The following NLGN1 variants were observed in gnomAD, a reference collection of about 807,000 sequenced individuals.
NLGN1 encodes neuroligin-1.
Under a neutral mutation model 65.5 loss-of-function variants are expected in NLGN1, and 12 were observed. The ratio of observed to expected loss-of-function variants is 0.18; its 90% confidence interval spans 0.12 to 0.30. The LOEUF (loss-of-function observed/expected upper bound fraction) is 0.30, where lower values mean the gene tolerates loss of function less well. NLGN1 is among the 10% of genes least tolerant of loss of function. NLGN1 has a pLI of 1.00. For synonymous variants in NLGN1, 350 were observed against 359.5 expected (o/e 0.97, Z 0.30); for missense variants, 750 against 1,007.1 (o/e 0.74, Z 3.46).
intron 4 of NLGN1, among the ~76,000 whole-genome samples, chr3:174,144,635 G>A (rs1384779026): frequency 6.6e-6 from 1 of 152,124 alleles, no homozygotes; most frequent in Admixed American, 6.5e-5. Flanking sequence ...GTATCTCATT[G>A]TGGTTTTGAT....
chr3:174,128,707 C>T (rs938560266), intron 4 of NLGN1, among the ~76,000 whole-genome samples: 10 of 152,204 alleles, frequency 6.6e-5, no homozygotes, highest in Middle Eastern at 3.4e-3. Context: ...TTGTCCATTT[C>T]GGGACAAGCT....
intron 3 of NLGN1, among the ~76,000 whole-genome samples, chr3:173,684,491 C>G (rs77732080): frequency 2.0e-5 from 3 of 152,280 alleles, no homozygotes; most frequent in East Asian, 1.9e-4. Context: ...GTCCATTGCT[C>G]TAATTTACTT....
intron 2 of NLGN1, among the ~76,000 whole-genome samples, chr3:173,475,781 A>G (rs151162374): frequency 1.4e-3 from 218 of 152,260 alleles, no homozygotes; most frequent in African/African-American, 4.9e-3. Context: ...CAGATTTACA[A>G]AATTTTTGGA....
chr3:173,928,506 G>A (rs1190706916), intron 4 of NLGN1, among the ~76,000 whole-genome samples: 1 of 152,116 alleles, frequency 6.6e-6, no homozygotes. Flanking sequence ...CATAGTGCAT[G>A]ACACATGAAA....
intron 2 of NLGN1, among the ~76,000 whole-genome samples, chr3:173,507,733 G>A (rs560052172): frequency 3.3e-5 from 5 of 151,834 alleles, no homozygotes; most frequent in South Asian, 2.1e-4. Flanking sequence ...TGATTTAATC[G>A]TGACTATAAG....
Position 174,029,426 on chromosome 3 carries a change from C to G in NLGN1, c.646+221594C>G, listed in dbSNP as rs191601454. Among the ~76,000 whole-genome samples the G allele has an allele frequency of 2.1e-3, 315 of 152,306 alleles. 2 individuals carry two copies. The highest frequency in any genetic ancestry group is 7.4e-3 in the African/African-American group (306 of 41,572). On this transcript the variant is annotated intron_variant, in intron 4 of 6. Transcript: ENST00000457714. ...GTAGCCCCTTTGTTTTGGCCAATTT[C>G]TCCTATTTGGAATGGGTGTATTTAC...
intron 4 of NLGN1, among the ~76,000 whole-genome samples, chr3:174,227,319 T>C (rs1308957233): frequency 1.3e-5 from 2 of 152,132 alleles, no homozygotes; most frequent in East Asian, 1.9e-4. Flanking sequence ...TATTCACCCT[T>C]GCCACATAGT....
intron 3 of NLGN1, among the ~76,000 whole-genome samples, chr3:173,685,480 G>C (rs1195670850): frequency 6.6e-6 from 1 of 152,138 alleles, no homozygotes; most frequent in East Asian, 1.9e-4. Flanking sequence ...AAACAATATT[G>C]CTGGGTGATT....
At chr3:174,115,475 A>T (rs1360834599) in intron 4 of NLGN1, among the ~76,000 whole-genome samples, 1 of 152,148 alleles carries the variant, frequency 6.6e-6, no homozygotes, top group Non-Finnish European at 1.5e-5. Flanking sequence ...TCTAGATATT[A>T]TTTTTGTCAT....
intron 3 of NLGN1, among the ~76,000 whole-genome samples, chr3:173,638,316 A>G (rs1474522464): frequency 1.3e-5 from 2 of 151,786 alleles, no homozygotes; most frequent in African/African-American, 4.8e-5. Flanking sequence ...TTGATGGTTC[A>G]GTCAACTTCA....
intron 3 of NLGN1, among the ~76,000 whole-genome samples, chr3:173,751,936 T>A (rs755052237): frequency 8.5e-5 from 13 of 152,212 alleles, no homozygotes; most frequent in Non-Finnish European, 1.3e-4. Context: ...ATCACAGAGC[T>A]GTGATTTGAA....
At chr3:173,749,336 T>C (rs775816068) in intron 3 of NLGN1, among the ~76,000 whole-genome samples, 6 of 152,082 alleles carry the variant, frequency 3.9e-5, no homozygotes, top group Non-Finnish European at 8.8e-5. Flanking sequence ...AGGAGCCCTA[T>C]TGGCCCCAGG....
chr3:174,190,309 C>G (rs569193884), intron 4 of NLGN1, among the ~76,000 whole-genome samples: 2 of 151,810 alleles, frequency 1.3e-5, no homozygotes, highest in African/African-American at 2.4e-5. Flanking sequence ...GAACATGAAC[C>G]TGTTGATGAG....
chr3:173,901,425 G>C (rs1737364979), intron 4 of NLGN1, among the ~76,000 whole-genome samples: 1 of 150,852 alleles, frequency 6.6e-6, no homozygotes, highest in Non-Finnish European at 1.5e-5. Flanking sequence ...TGGCATATTA[G>C]ATTTGGATAA....
At chr3:173,839,547 C>T (rs913774159) in intron 4 of NLGN1, among the ~76,000 whole-genome samples, 6 of 151,924 alleles carry the variant, frequency 3.9e-5, no homozygotes, top group Non-Finnish European at 8.8e-5. Flanking sequence ...CTCAGCCTCC[C>T]GAGTAGCTGG....
At chr3:173,778,548 A>G (rs1017402554) in intron 3 of NLGN1, among the ~76,000 whole-genome samples, 1 of 151,900 alleles carries the variant, frequency 6.6e-6, no homozygotes, top group Admixed American at 6.6e-5. Context: ...CTTAAAAATG[A>G]ATTTTTGCCA....
intron 3 of NLGN1, among the ~76,000 whole-genome samples, chr3:173,665,664 T>G (rs1761595200): frequency 1.3e-5 from 2 of 152,176 alleles, no homozygotes; most frequent in Non-Finnish European, 2.9e-5. Context: ...GGGTATGTAT[T>G]CAGAAATAGT....
chr3:174,151,883 C>T (rs1042346300), intron 4 of NLGN1, among the ~76,000 whole-genome samples: 1 of 152,090 alleles, frequency 6.6e-6, no homozygotes, highest in Non-Finnish European at 1.5e-5. Flanking sequence ...TATTTTAAAA[C>T]TCCATTTCTG....
At chr3:173,591,070 G>A (rs765244792) in intron 2 of NLGN1, among the ~76,000 whole-genome samples, 3 of 152,010 alleles carry the variant, frequency 2.0e-5, no homozygotes, top group Non-Finnish European at 4.4e-5. Flanking sequence ...TGGGATTTTC[G>A]TCATTACTTA....
Sources: allele counts gnomAD v4.1 joint callset (sites outside exome capture counted in the v4.1 genomes callset), GRCh38; gene constraint gnomAD v4.1.1; transcripts MANE v1.5; gene names NCBI Gene and HGNC (gene_info 2026-07-23, HGNC 2026-07-21).